SHROOM2: variants seen among roughly 807,000 people sequenced by gnomAD.
The protein encoded by SHROOM2 is shroom family member 2.
In SHROOM2, 33 loss-of-function variants were observed where a neutral mutation model predicts 75.9. The observed-to-expected ratio is 0.43, with a 90% CI of 0.33 to 0.58. The LOEUF is 0.58. Ranked by LOEUF, SHROOM2 falls within the 20% of genes least tolerant of loss-of-function variation. The probability of loss-of-function intolerance (pLI) is 0.04; values close to 1 mark genes in which losing one functional copy is unlikely to be tolerated. For missense variants in SHROOM2, 1,434 were observed against 1,461.2 expected (o/e 0.98, Z 0.30); for synonymous variants, 655 against 663.6 (o/e 0.99, Z 0.20).
chrX:9,938,982 T>C (rs1200738403), intron 7 of SHROOM2, among the ~76,000 whole-genome samples: 1 of 112,579 alleles, frequency 8.9e-6, no homozygotes, highest in Admixed American at 9.4e-5. Flanking sequence ...AAAACTATGT[T>C]TCATACACTT....
At chrX:9,892,655 G>T (rs995240631) in intron 3 of SHROOM2, among the ~76,000 whole-genome samples, 2 of 111,927 alleles carry the variant, frequency 1.8e-5, no homozygotes, top group African/African-American at 6.5e-5. Context: ...CCAGAATACT[G>T]GTGGGTAGTC....
intron 2 of SHROOM2, among the ~76,000 whole-genome samples, chrX:9,878,314 C>G (rs931447742): frequency 5.4e-5 from 6 of 111,459 alleles, no homozygotes; most frequent in African/African-American, 2.0e-4. Flanking sequence ...TGCCTCTTTG[C>G]TGGCAGCCCT....
At chrX:9,797,617 C>T (rs778227218) in intron 1 of SHROOM2, among the ~76,000 whole-genome samples, 1 of 112,505 alleles carries the variant, frequency 8.9e-6, no homozygotes, top group African/African-American at 3.2e-5. Context: ...GAGACCTCCA[C>T]GCCCATTGGC....
At chrX:9,812,885 G>A in intron 1 of SHROOM2, among the ~76,000 whole-genome samples, 1 of 112,306 alleles carries the variant, frequency 8.9e-6, no homozygotes, top group Non-Finnish European at 1.9e-5. Context: ...CGCATACCAG[G>A]TACCAGGAGA....
chrX:9,790,500 C>T (rs931148661), intron 1 of SHROOM2, among the ~76,000 whole-genome samples: 4 of 111,489 alleles, frequency 3.6e-5, no homozygotes, highest in East Asian at 5.7e-4. Flanking sequence ...ATGCAGTGTG[C>T]GGTCAACATC....
chrX:9,818,835 A>G (rs2083836772), intron 1 of SHROOM2: 2 of 502,041 alleles, frequency 4.0e-6, no homozygotes, highest in South Asian at 5.7e-5. Context: ...CCAAATCATC[A>G]TGGAGTATCA....
At chrX:9,941,506 G>T (rs192307539) in intron 8 of SHROOM2, among the ~76,000 whole-genome samples, 24 of 111,988 alleles carry the variant, frequency 2.1e-4, no homozygotes, top group Admixed American at 1.0e-3. Flanking sequence ...AGGGGAAATG[G>T]TTTCAATAAA....
intron 1 of SHROOM2, among the ~76,000 whole-genome samples, chrX:9,808,817 G>A (rs780853833): frequency 3.6e-5 from 4 of 110,218 alleles, no homozygotes; most frequent in South Asian, 3.9e-4. Flanking sequence ...AGCCAAGTTC[G>A]CGCCATTGCA....
chrX:9,864,685 C>T (rs1210871915), intron 1 of SHROOM2, among the ~76,000 whole-genome samples: 12 of 108,026 alleles, frequency 1.1e-4, no homozygotes, highest in South Asian at 4.1e-4. Flanking sequence ...ATTAGCCGGG[C>T]GTAGTGGCGG....
chrX:9,896,356 A>C lies in SHROOM2; in HGVS notation c.2448A>C (p.Gln816His), dbSNP rs1193027778. The part of the protein sequence containing the change: ...KPVPQRPAQK[Q>H]ALHGIPRDKP... ...TTCCCCAGAGGCCTGCCCAGAAGCA[A>C]GCTCTTCACGGAATCCCGAGAGACA... Residue 816 changes from glutamine (Q) to histidine (H), a missense_variant, in exon 4 of 10, where the codon CAA becomes CAC. By Grantham distance (24) the Gln-to-His change is conservative. Around this residue, in one of 3 missense-constraint regions of SHROOM2, gnomAD observed 1,340 missense variants for 1,338.3 expected, o/e 1.00. Coordinates refer to ENST00000380913, the MANE Select transcript of SHROOM2 (RefSeq NM_001649.4). The C allele has an allele frequency of 1.6e-6, 2 of 1,212,291 alleles. No homozygotes were observed. The highest frequency in any genetic ancestry group is 2.2e-6 in the Non-Finnish European group (2 of 895,631).
At chrX:9,851,589 T>C (rs1241935358) in intron 1 of SHROOM2, among the ~76,000 whole-genome samples, 19 of 106,801 alleles carry the variant, frequency 1.8e-4, no homozygotes, top group African/African-American at 6.5e-4. Flanking sequence ...CCTGTGTAGC[T>C]GGGACCACAG....
intron 3 of SHROOM2, among the ~76,000 whole-genome samples, chrX:9,893,114 T>C (rs1221575632): frequency 9.3e-6 from 1 of 106,966 alleles, no homozygotes; most frequent in Non-Finnish European, 1.9e-5. Flanking sequence ...TTATTATTAT[T>C]ATCTTTGAAA....
chrX:9,792,245 G>A (rs1240311599), intron 1 of SHROOM2, among the ~76,000 whole-genome samples: 2 of 110,896 alleles, frequency 1.8e-5, no homozygotes, highest in South Asian at 7.7e-4. Context: ...GGGCTGTCCT[G>A]TAGTAGAGCC....
chrX:9,828,628 T>G (rs768664133), intron 1 of SHROOM2, among the ~76,000 whole-genome samples: 1 of 110,526 alleles, frequency 9.0e-6, no homozygotes, highest in South Asian at 4.0e-4. Context: ...CCATTCCCAG[T>G]TAATGTTATT....
At chrX:9,818,029 G>A (rs977047453) in intron 1 of SHROOM2, among the ~76,000 whole-genome samples, 22 of 112,085 alleles carry the variant, frequency 2.0e-4, no homozygotes, top group Admixed American at 6.6e-4. Context: ...CTATAAATAA[G>A]CAAACTACAT....
At chrX:9,836,641 G>A (rs1051640305) in intron 1 of SHROOM2, among the ~76,000 whole-genome samples, 3 of 108,156 alleles carry the variant, frequency 2.8e-5, no homozygotes, top group African/African-American at 1.0e-4. Context: ...TGACCACACC[G>A]GTCTTGAACT....
intron 1 of SHROOM2, among the ~76,000 whole-genome samples, chrX:9,862,039 G>A (rs188062942): frequency 1.8e-5 from 2 of 111,975 alleles, no homozygotes; most frequent in Admixed American, 9.4e-5. Context: ...CCATGCCCCC[G>A]TGCTTACGGC....
At chrX:9,937,045 C>G in intron 6 of SHROOM2, 89 bp from the exon 7 acceptor site, 3 of 951,309 alleles carry the variant, frequency 3.2e-6, no homozygotes, top group Non-Finnish European at 4.3e-6. Context: ...GAGTCAGGTT[C>G]CCATCCAGAG....
chrX:9,858,062 C>G (rs746221756), intron 1 of SHROOM2, among the ~76,000 whole-genome samples: 2 of 111,959 alleles, frequency 1.8e-5, no homozygotes, highest in East Asian at 5.6e-4. Flanking sequence ...GCTCTGCTGC[C>G]TAGGCTGTGA....
Sources: allele counts gnomAD v4.1 joint callset (sites outside exome capture counted in the v4.1 genomes callset), GRCh38; gene constraint gnomAD v4.1.1; regional missense constraint gnomAD v4.1.1; transcripts MANE v1.5; gene names NCBI Gene and HGNC (gene_info 2026-07-23, HGNC 2026-07-21).